The following PDE1C variants were observed in gnomAD, a reference collection of about 807,000 sequenced individuals.
PDE1C encodes dual specificity calcium/calmodulin-dependent 3',5'-cyclic nucleotide phosphodiesterase 1C.
A neutral mutation model predicts 93.1 loss-of-function variants in PDE1C; 62 were observed. The ratio of observed to expected loss-of-function variants is 0.67; its 90% CI spans 0.54 to 0.82. The LOEUF (loss-of-function observed/expected upper bound fraction) is 0.82, where lower values mean the gene tolerates loss of function less well. Ranked by LOEUF, PDE1C falls within the 40% of genes least tolerant of loss-of-function variation. The pLI is 0.00. For synonymous variants in PDE1C, 325 were observed against 310.1 expected (o/e 1.05, Z -0.50); for missense variants, 742 against 884.6 (o/e 0.84, Z 2.04).
At chr7:31,963,595 C>T (rs1227958288) in intron 2 of PDE1C, among the ~76,000 whole-genome samples, 1 of 152,068 alleles carries the variant, frequency 6.6e-6, no homozygotes, top group African/African-American at 2.4e-5. Context: ...TCTGAATTTC[C>T]TGTAATTTTT....
At chr7:31,651,033 C>G in the PDE1C span, 1 of 1,226,336 alleles carries the variant, frequency 8.2e-7, no homozygotes, top group African/African-American at 1.5e-5. Context: ...AGCAGTAGGG[C>G]CTGTTTGCGA....
intron 1 of PDE1C, among the ~76,000 whole-genome samples, chr7:32,370,210 G>A (rs547089335): frequency 6.6e-6 from 1 of 152,256 alleles, no homozygotes; most frequent in East Asian, 1.9e-4. Flanking sequence ...AGCACTTTGG[G>A]AGGCCGAGGA....
At chr7:31,967,873 A>G (rs910398810) in intron 2 of PDE1C, among the ~76,000 whole-genome samples, 2 of 152,238 alleles carry the variant, frequency 1.3e-5, no homozygotes, top group African/African-American at 4.8e-5. Flanking sequence ...TATTATCTCA[A>G]TAGATGCAGA....
At chr7:31,643,688 C>T in the PDE1C span, 1 of 1,614,050 alleles carries the variant, frequency 6.2e-7, no homozygotes, top group Non-Finnish European at 8.5e-7. Flanking sequence ...AAGACCTTGA[C>T]ACATGGGCCC....
At chr7:32,318,934 G>A (rs1360891204) in intron 1 of PDE1C, among the ~76,000 whole-genome samples, 1 of 152,200 alleles carries the variant, frequency 6.6e-6, no homozygotes, top group Non-Finnish European at 1.5e-5. Flanking sequence ...TCTTCGCTCC[G>A]CAATGGCTGA....
intron 2 of PDE1C, among the ~76,000 whole-genome samples, chr7:31,918,656 T>C (rs973027608): frequency 2.2e-4 from 34 of 152,216 alleles, no homozygotes; most frequent in Admixed American, 2.2e-3. Context: ...GTCTGCTAAG[T>C]CAGTTACTAG....
intron 2 of PDE1C, among the ~76,000 whole-genome samples, chr7:32,182,255 A>G (rs1039302084): frequency 1.2e-4 from 19 of 152,218 alleles, no homozygotes; most frequent in African/African-American, 4.6e-4. Flanking sequence ...TTCTGAAACT[A>G]TTCCAATCAA....
the PDE1C span, among the ~76,000 whole-genome samples, chr7:31,742,056 ATT>A: frequency 6.6e-6 from 1 of 152,230 alleles, no homozygotes; most frequent in Non-Finnish European, 1.5e-5. Context: ...CAGGAAAGGA[ATT>A]TGACCAATAT....
chr7:31,819,141 T>C (rs927786926), intron 14 of PDE1C, among the ~76,000 whole-genome samples: 1 of 152,126 alleles, frequency 6.6e-6, no homozygotes, highest in Non-Finnish European at 1.5e-5. Context: ...AGCAATCATG[T>C]TCCAGCAGGT....
intron 1 of PDE1C, among the ~76,000 whole-genome samples, chr7:32,421,941 T>C (rs1258183487): frequency 6.6e-6 from 1 of 152,130 alleles, no homozygotes; most frequent in African/African-American, 2.4e-5. Flanking sequence ...AAATTGAGAC[T>C]GACTTTGAAA....
chr7:32,031,656 G>A (rs1790340520), intron 2 of PDE1C, among the ~76,000 whole-genome samples: 2 of 152,174 alleles, frequency 1.3e-5, no homozygotes, highest in Admixed American at 6.5e-5. Context: ...CCAGCCTGAT[G>A]ATCTTGCGTT....
intron 11 of PDE1C, among the ~76,000 whole-genome samples, chr7:31,834,140 G>A (rs1297193367): frequency 6.6e-6 from 1 of 152,214 alleles, no homozygotes; most frequent in East Asian, 1.9e-4. Flanking sequence ...GTCAAGAATT[G>A]AGGTTTGGGA....
chr7:32,100,670 G>T (rs1441773859), intron 3 of PDE1C, among the ~76,000 whole-genome samples: 1 of 152,092 alleles, frequency 6.6e-6, no homozygotes, highest in Non-Finnish European at 1.5e-5. Flanking sequence ...AACATCAAAT[G>T]GTATCTGAGG....
At chr7:31,926,940 C>T (rs921851052) in intron 2 of PDE1C, among the ~76,000 whole-genome samples, 1 of 152,028 alleles carries the variant, frequency 6.6e-6, no homozygotes, top group Non-Finnish European at 1.5e-5. Flanking sequence ...CCCAGTGGCG[C>T]CTAGAACACC....
chr7:31,667,737 G>A, the PDE1C span, among the ~76,000 whole-genome samples: 4 of 151,994 alleles, frequency 2.6e-5, no homozygotes, highest in Admixed American at 6.6e-5. Flanking sequence ...CTGGCTCATC[G>A]AGGTAGGATG....
chr7:31,648,534 G>C, the PDE1C span, among the ~76,000 whole-genome samples: 3 of 152,198 alleles, frequency 2.0e-5, 1 homozygote, highest in African/African-American at 7.2e-5. Flanking sequence ...CATTCTCAGA[G>C]AGCAAACACT....
intron 1 of PDE1C, among the ~76,000 whole-genome samples, chr7:32,412,906 C>CA (rs143859976): frequency 0.15 from 22,335 of 151,282 alleles, 3,186 homozygotes; most frequent in African/African-American, 0.37. Flanking sequence ...TAACATAGCA[C>CA]GGAAAAAAAA....
intron 1 of PDE1C, among the ~76,000 whole-genome samples, chr7:32,058,694 C>T (rs1277087677): frequency 6.6e-6 from 1 of 152,314 alleles, no homozygotes; most frequent in African/African-American, 2.4e-5. Flanking sequence ...CTTTGCAAAG[C>T]TATCCATTGC....
chr7:32,350,578 ATATATATATATATTT>A (rs1363357601), intron 1 of PDE1C, among the ~76,000 whole-genome samples: 1 of 322 alleles, frequency 3.1e-3, no homozygotes, highest in African/African-American at 4.1e-3. Flanking sequence ...ATATATATAT[ATATATATATATATTT>A]TTTTTTTTTT....
Sources: allele counts gnomAD v4.1 joint callset (sites outside exome capture counted in the v4.1 genomes callset), GRCh38; gene constraint gnomAD v4.1.1; transcripts MANE v1.5; gene names NCBI Gene and HGNC (gene_info 2026-07-23, HGNC 2026-07-21).